The following BDH2 variants were observed in gnomAD, a reference collection of about 807,000 sequenced individuals.
BDH2 encodes dehydrogenase/reductase SDR family member 6.
Under a neutral mutation model 33.2 loss-of-function variants are expected in BDH2, and 24 were observed. That is an observed-to-expected ratio of 0.72 (90% CI 0.52 to 1.02). The LOEUF is 1.02. BDH2 is among the 50% of genes least tolerant of loss of function. BDH2 has a pLI of 0.00. For missense variants in BDH2, 249 were observed against 301.6 expected (o/e 0.83, Z 1.29); for synonymous variants, 81 against 101.6 (o/e 0.80, Z 1.22).
At chr4:103,092,357 G>T in intron 4 of BDH2, 1 of 511,206 alleles carries the variant, frequency 2.0e-6, no homozygotes, top group Non-Finnish European at 3.5e-6. Flanking sequence ...ACATAATACA[G>T]CTTTGTATCA....
At position 103,086,485 on chromosome 4, in the gene BDH2, A is replaced by T; in HGVS notation, c.413T>A (p.Val138Asp). The change falls in exon 6 of 10, where the codon GTC (valine) becomes GAC (aspartate). Residue 138 changes from valine (V) to aspartate (D), a missense_variant. Transcript: ENST00000296424. ...IINMSSVASSVKGVVNRCVYS... is the reference protein window; with the variant it reads ...IINMSSVASSDKGVVNRCVYS... Reference sequence around the variant, plus strand: ...TCGGAAGGAGACAGACCCACCTTTGACGCTGGAAGCCACAGAAGACATGTT... The same window carrying T: ...TCGGAAGGAGACAGACCCACCTTTGTCGCTGGAAGCCACAGAAGACATGTT... The T allele has an allele frequency of 6.2e-7, 1 of 1,612,994 alleles. No individual in the cohort carries two copies. The highest frequency in any genetic ancestry group is 1.1e-5 in the South Asian group (1 of 90,706).
At chr4:103,093,095 A>T (rs1456784276) in intron 3 of BDH2, among the ~76,000 whole-genome samples, 1 of 152,150 alleles carries the variant, frequency 6.6e-6, no homozygotes, top group African/African-American at 2.4e-5. Flanking sequence ...CTTTTCTCTT[A>T]ATTTTCTCTT....
rs1748545290 is a variant in BDH2, at chr4:103,099,369, G to T, written c.-21+414C>A. 4 of 152,146 alleles carry T rather than the reference G, an allele frequency of 2.6e-5. No homozygotes were observed. In the South Asian group the frequency reaches 8.3e-4, roughly 32 times the overall value. 9.4% of individuals were successfully genotyped at this position (152,146 alleles called of 1,614,324 possible). A position where few individuals can be genotyped will look rare whatever the true frequency, so the allele number is the denominator to read the frequency against. Reference sequence around the variant, plus strand: ...TAAACTGTAATCTCAAACTAAAACAGATTTCTTTGAGAAAATGAGAGCAAA... The same window carrying T: ...TAAACTGTAATCTCAAACTAAAACATATTTCTTTGAGAAAATGAGAGCAAA... On this transcript the variant is annotated intron_variant, in intron 1 of 9. Coordinates refer to ENST00000296424, the MANE Select transcript of BDH2 (RefSeq NM_020139.4).
chr4:103,083,719 G>A (rs1038502376), intron 7 of BDH2, among the ~76,000 whole-genome samples: 3 of 152,206 alleles, frequency 2.0e-5, no homozygotes, highest in Admixed American at 2.0e-4. Context: ...ATCTTTCTGA[G>A]GTTGTAACAA....
At chr4:103,090,604 A>G (rs1459279889) in intron 5 of BDH2, among the ~76,000 whole-genome samples, 1 of 151,936 alleles carries the variant, frequency 6.6e-6, no homozygotes, top group Non-Finnish European at 1.5e-5. Context: ...AGTTGTCTGA[A>G]CTCTCAGTTT....
At chr4:103,092,072 C>G (rs1367692278) in intron 4 of BDH2, among the ~76,000 whole-genome samples, 1 of 152,176 alleles carries the variant, frequency 6.6e-6, no homozygotes, top group Non-Finnish European at 1.5e-5. Flanking sequence ...CCTCTGGACC[C>G]AAATTATGTA....
chr4:103,091,697 A>G (rs1245170483), intron 4 of BDH2: 5 of 455,938 alleles, frequency 1.1e-5, no homozygotes, highest in Non-Finnish European at 2.2e-5. Flanking sequence ...GTGAGCTATG[A>G]TCATTCCACT....
intron 5 of BDH2, among the ~76,000 whole-genome samples, chr4:103,087,398 G>A (rs1396908582): frequency 6.6e-6 from 1 of 152,208 alleles, no homozygotes; most frequent in Non-Finnish European, 1.5e-5. Flanking sequence ...GAGACTAGTG[G>A]AAGCTGATGC....
intron 5 of BDH2, among the ~76,000 whole-genome samples, chr4:103,087,541 G>GAAACCTTGAA (rs1747854098): frequency 1.3e-5 from 2 of 152,140 alleles, no homozygotes; most frequent in African/African-American, 4.8e-5. Context: ...ACCAATTTAG[G>GAAACCTTGAA]GCAGTGTTTC....
chr4:103,095,459 A>G (rs1716974106), intron 2 of BDH2, among the ~76,000 whole-genome samples, 178 bp from the exon 3 acceptor site: 1 of 152,086 alleles, frequency 6.6e-6, no homozygotes, highest in South Asian at 2.1e-4. Context: ...TATTTTTATC[A>G]TTAATTAGAA....
chr4:103,084,511 G>A (rs1747677004), intron 7 of BDH2, among the ~76,000 whole-genome samples: 1 of 152,150 alleles, frequency 6.6e-6, no homozygotes, highest in Non-Finnish European at 1.5e-5. Context: ...CTCCTGATAA[G>A]TCCAGTCGCT....
intron 6 of BDH2, chr4:103,085,915 A>G (rs1019738198): frequency 2.5e-6 from 3 of 1,186,080 alleles, no homozygotes; most frequent in Non-Finnish European, 1.1e-6. Flanking sequence ...CACAGATCCA[A>G]CTATGCCAGA....
chr4:103,098,007 C>T (rs963122224), intron 1 of BDH2, among the ~76,000 whole-genome samples: 1 of 151,998 alleles, frequency 6.6e-6, no homozygotes, highest in Non-Finnish European at 1.5e-5. Flanking sequence ...ACACTTGGTC[C>T]AAGGTCCACA....
chr4:103,096,826 C>CTT (rs1748432952), intron 1 of BDH2, among the ~76,000 whole-genome samples: 1 of 152,238 alleles, frequency 6.6e-6, no homozygotes, highest in East Asian at 1.9e-4. Flanking sequence ...CAGGCCTGAG[C>CTT]CACTGTGCCC....
chr4:103,089,394 C>T (rs968791093), intron 5 of BDH2, among the ~76,000 whole-genome samples: 15 of 152,162 alleles, frequency 9.9e-5, no homozygotes, highest in African/African-American at 3.4e-4. Flanking sequence ...GACCAGGATT[C>T]GATTTTGTCA....
In BDH2 at chr4:103,085,988, G is replaced by A. The variant is rs112360163; in HGVS notation, c.418+492C>T. On this transcript the variant is annotated intron_variant, in intron 6 of 9. Transcript: ENST00000296424. ...CCTTCAACTTGACTTCTTGCTGATG[G>A]CTCAGATCAACTGTCTTTGTGAAGC... is the stretch of plus-strand genomic sequence containing the variant. 6.8e-5 allele frequency: 79 copies of A among 1,160,748 alleles called. No individual in the cohort carries two copies. In the African/African-American group the frequency reaches 1.1e-3, roughly 16 times the overall value. 71.9% of individuals were successfully genotyped at this position (1,160,748 alleles called of 1,614,324 possible). A position where few individuals can be genotyped will look rare whatever the true frequency, so the allele number is the denominator to read the frequency against.
At position 103,082,170 on chromosome 4, in the gene BDH2, G is replaced by C; in HGVS notation, c.595C>G (p.Arg199Gly). 2 of 1,613,602 alleles carry C rather than the reference G, an allele frequency of 1.2e-6. No individual in the cohort carries two copies. ...IQARGNPEEARNDFLKRQKTG... is the reference protein window; with the variant it reads ...IQARGNPEEAGNDFLKRQKTG... Reference sequence around the variant, plus strand: ...TTTTGTCTCTTCAGGAAATCATTCCGTGCCTGTGACCAGAGACCATACCAG... The same window carrying C: ...TTTTGTCTCTTCAGGAAATCATTCCCTGCCTGTGACCAGAGACCATACCAG... The change falls in exon 9 of 10, where the codon CGG (arginine) becomes GGG (glycine). Residue 199 changes from arginine to glycine, a missense_variant. Physicochemically the swap from Arg to Gly is moderately radical, Grantham distance 125. Coordinates refer to ENST00000296424, the MANE Select transcript of BDH2 (RefSeq NM_020139.4).
chr4:103,086,136 G>T (rs1377041086), intron 6 of BDH2: 15 of 1,099,656 alleles, frequency 1.4e-5, no homozygotes, highest in African/African-American at 1.7e-5. Context: ...TTTGGACTGT[G>T]AATTCTTTTA....
intron 7 of BDH2, 79 bp from the exon 8 acceptor site, chr4:103,083,008 T>G (rs1383491507): frequency 2.4e-6 from 3 of 1,246,668 alleles, no homozygotes; most frequent in Non-Finnish European, 3.5e-6. Context: ...CCTTTCCATA[T>G]GACAATCAGT....
Sources: gnomAD v4.1 joint callset for allele counts (sites outside exome capture counted in the v4.1 genomes callset) on GRCh38, gnomAD v4.1.1 for gene constraint, MANE v1.5 for transcripts, NCBI Gene and HGNC (gene_info 2026-07-23, HGNC 2026-07-21) for gene names.